INTS4: variants seen among roughly 807,000 people sequenced by gnomAD.
INTS4 encodes MSTP093.
Under a neutral mutation model 119.5 loss-of-function variants are expected in INTS4, and 70 were observed. The ratio of observed to expected loss-of-function variants is 0.59; its 90% confidence interval spans 0.48 to 0.71. The LOEUF (loss-of-function observed/expected upper bound fraction) is 0.71. Ranked by LOEUF, INTS4 falls within the 30% of genes least tolerant of loss-of-function variation. The probability of loss-of-function intolerance (pLI) is 0.00; values close to 1 mark genes in which losing one functional copy is unlikely to be tolerated. For missense variants in INTS4, 867 were observed against 1,173.2 expected, an observed-to-expected ratio of 0.74 and a Z score of 3.81; for synonymous variants, 316 against 419.6, an observed-to-expected ratio of 0.75 and a Z score of 3.02.
In INTS4 at chr11:77,891,713, T is replaced by A; in HGVS notation, c.2416A>T (p.Ser806Cys). Residue 806 changes from serine (S) to cysteine (C), a missense_variant, in exon 20 of 23, where the codon AGT becomes TGT. Around this residue, in one of 5 missense-constraint regions of INTS4, gnomAD observed 262 missense variants for 376.0 expected, o/e 0.70. Coordinates refer to ENST00000534064, the MANE Select transcript of INTS4 (RefSeq NM_033547.4). ...VKILQTMLRQ[S>C]AFLHLPLPEQ... ...GGAAGCGGGAGATGCAGAAAGGCAC[T>A]CTGTCGCAGCATGGTCTGTAGAATT... 1.9e-6 allele frequency: 3 copies of A among 1,611,998 alleles called. No homozygotes were observed. In the South Asian group the frequency reaches 3.3e-5, roughly 18 times the overall value.
intron 8 of INTS4, among the ~76,000 whole-genome samples, chr11:77,945,090 C>G (rs1302862778): frequency 6.6e-6 from 1 of 152,250 alleles, no homozygotes; most frequent in African/African-American, 2.4e-5. Flanking sequence ...ATGGAAGCCT[C>G]AGGATAGCAC....
At chr11:77,928,587 C>T (rs918161538) in intron 10 of INTS4, 40 bp from the exon 11 acceptor site, 1 of 1,545,456 alleles carries the variant, frequency 6.5e-7, no homozygotes, top group Non-Finnish European at 8.7e-7. Flanking sequence ...TCAGGCTGGG[C>T]ACAGTGGCTC....
intron 6 of INTS4, among the ~76,000 whole-genome samples, 193 bp from the exon 7 acceptor site, chr11:77,959,027 T>G (rs1243796501): frequency 6.6e-6 from 1 of 152,234 alleles, no homozygotes; most frequent in South Asian, 2.1e-4. Flanking sequence ...ATTCTGACTA[T>G]GCACCCTACC....
At chr11:77,939,177 C>G (rs1388977413) in intron 9 of INTS4, among the ~76,000 whole-genome samples, 1 of 152,148 alleles carries the variant, frequency 6.6e-6, no homozygotes, top group African/African-American at 2.4e-5. Flanking sequence ...TACGTTGACT[C>G]TAAGAAAACA....
chr11:77,890,149 A>AAAAC (rs769302086), intron 21 of INTS4, among the ~76,000 whole-genome samples: 9 of 152,334 alleles, frequency 5.9e-5, no homozygotes, highest in East Asian at 1.9e-4. Flanking sequence ...AATGTGGAAA[A>AAAAC]AAACAAACAA....
At chr11:77,988,970 A>T (rs1435789323) in intron 2 of INTS4, among the ~76,000 whole-genome samples, 6 of 152,226 alleles carry the variant, frequency 3.9e-5, no homozygotes, top group Non-Finnish European at 4.4e-5. Flanking sequence ...ATAAAAAGGT[A>T]CTGGGAGAAC....
chr11:77,993,780 T>C lies in INTS4; in HGVS notation c.54+810A>G, dbSNP rs563347604. On this transcript the variant is annotated intron_variant, in intron 1 of 22. Coordinates refer to ENST00000534064, the MANE Select transcript of INTS4 (RefSeq NM_033547.4). The stretch of plus-strand genomic sequence containing the variant: ...AATGCAACCAATGCACTGGTGTAAA[T>C]TTGGGGGCATGTCAGGAATGCAGAA... Among the ~76,000 whole-genome samples the C allele has an allele frequency of 4.6e-4, 70 of 152,190 alleles. 1 individual carries two copies. Among genetic ancestry groups the C allele is most frequent in the Non-Finnish European group, 6.5e-4 (44 of 68,002 alleles).
At chr11:77,979,379 G>C (rs1856099639) in intron 3 of INTS4, among the ~76,000 whole-genome samples, 1 of 151,982 alleles carries the variant, frequency 6.6e-6, no homozygotes, top group Non-Finnish European at 1.5e-5. Context: ...GGAGGCCGAG[G>C]TAGGAGGACT....
downstream of INTS4, among the ~76,000 whole-genome samples, chr11:77,876,162 A>T (rs1230960547): frequency 6.6e-6 from 1 of 152,140 alleles, no homozygotes; most frequent in Non-Finnish European, 1.5e-5. Flanking sequence ...TGTATGAGGG[A>T]TGAGGAAGGA....
At chr11:77,984,162 T>C (rs958546844) in intron 2 of INTS4, among the ~76,000 whole-genome samples, 1 of 152,200 alleles carries the variant, frequency 6.6e-6, no homozygotes, top group Non-Finnish European at 1.5e-5. Context: ...ATTCCACTTA[T>C]ATGAGGTACT....
chr11:77,975,681 G>A (rs117919943), intron 4 of INTS4, among the ~76,000 whole-genome samples: 3,918 of 152,156 alleles, frequency 0.026, 64 homozygotes, highest in Non-Finnish European at 0.039. Context: ...CTACAGGCCG[G>A]GTGCAGTGGC....
chr11:77,967,658 A>G (rs1407619883), intron 4 of INTS4, among the ~76,000 whole-genome samples: 1 of 152,194 alleles, frequency 6.6e-6, no homozygotes, highest in African/African-American at 2.4e-5. Flanking sequence ...TCATGATGTT[A>G]TACATTATGA....
At chr11:77,889,929 A>G (rs1338718410) in intron 21 of INTS4, among the ~76,000 whole-genome samples, 1 of 152,188 alleles carries the variant, frequency 6.6e-6, no homozygotes, top group Non-Finnish European at 1.5e-5. Flanking sequence ...TCAGGTGATC[A>G]GTGAAGTTTT....
At chr11:77,888,878 C>T (rs552005607) in intron 21 of INTS4, among the ~76,000 whole-genome samples, 1 of 152,146 alleles carries the variant, frequency 6.6e-6, no homozygotes, top group South Asian at 2.1e-4. Flanking sequence ...CAGTGAGATA[C>T]CATCTCACAC....
intron 2 of INTS4, among the ~76,000 whole-genome samples, chr11:77,984,598 T>C (rs912450224): frequency 6.6e-6 from 1 of 151,632 alleles, no homozygotes; most frequent in Non-Finnish European, 1.5e-5. Flanking sequence ...TTTTACAAGA[T>C]GAAAAGAGTT....
downstream of INTS4, among the ~76,000 whole-genome samples, chr11:77,875,231 C>T (rs1310952043): frequency 1.3e-5 from 2 of 152,126 alleles, no homozygotes; most frequent in African/African-American, 2.4e-5. Flanking sequence ...TTTCCTTGCC[C>T]GGTTATGTGC....
At chr11:77,917,608 C>T (rs1953234810) in intron 15 of INTS4, among the ~76,000 whole-genome samples, 1 of 151,904 alleles carries the variant, frequency 6.6e-6, no homozygotes, top group Non-Finnish European at 1.5e-5. Flanking sequence ...CTGCACCTGG[C>T]CGATATAATA....
chr11:77,903,603 C>G lies in INTS4; in HGVS notation c.2034G>C (p.Leu678Phe), dbSNP rs139297026. The G allele has an allele frequency of 1.5e-5, 25 of 1,613,586 alleles. No individual in the cohort carries two copies. The highest frequency in any genetic ancestry group is 2.1e-5 in the Non-Finnish European group (25 of 1,179,722). The change falls in exon 17 of 23, where the codon TTG becomes TTC. Residue 678 changes from leucine (L) to phenylalanine (F), a missense_variant. Leu to Phe is a conservative substitution (Grantham distance 22). Coordinates refer to ENST00000534064, the MANE Select transcript of INTS4 (RefSeq NM_033547.4). Reference protein sequence around the residue: ...LLLIKALQEKLWNVAAPLYLK... With the variant: ...LLLIKALQEKFWNVAAPLYLK... ...AATACAAAGGGGCAGCTACATTCCA[C>G]AACTTTTCCTGCAAGGCCTACGCAG... is the stretch of plus-strand genomic sequence containing the variant.
intron 2 of INTS4, among the ~76,000 whole-genome samples, chr11:77,990,186 T>C (rs1260852145): frequency 1.4e-5 from 2 of 142,998 alleles, no homozygotes; most frequent in Non-Finnish European, 3.0e-5. Flanking sequence ...GCCACCACTA[T>C]ACTCCAGGCT....
Sources: gnomAD v4.1 joint callset for allele counts (sites outside exome capture counted in the v4.1 genomes callset) on GRCh38, gnomAD v4.1.1 for gene constraint, gnomAD v4.1.1 regional missense constraint, MANE v1.5 for transcripts, NCBI Gene and HGNC (gene_info 2026-07-23, HGNC 2026-07-21) for gene names.